ZNF700: variants seen among roughly 807,000 people sequenced by gnomAD.
The protein encoded by ZNF700 is zinc finger protein 700.
ZNF700 carries 38 observed loss-of-function variants against 65.3 expected under a neutral mutation model. The ratio of observed to expected loss-of-function variants is 0.58; its 90% CI spans 0.45 to 0.76. ZNF700 has a LOEUF of 0.76. Among genes scored for constraint, ZNF700 ranks in the 30% least tolerant of loss-of-function variants. ZNF700 has a pLI of 0.00. For synonymous variants in ZNF700, 285 were observed against 290.4 expected (o/e 0.98, Z 0.19); for missense variants, 857 against 888.4 (o/e 0.96, Z 0.45).
chr19:11,933,846 G>GAAA (rs747851420), intron 1 of ZNF700, among the ~76,000 whole-genome samples: 2 of 106,620 alleles, frequency 1.9e-5, no homozygotes, highest in Non-Finnish European at 3.9e-5. Flanking sequence ...CTCCATCTCA[G>GAAA]AAAAAAAAAA....
In ZNF700 at chr19:11,949,081, A is replaced by T; in HGVS notation, c.1057A>T (p.Ile353Leu). ...LSYLISFQTH[I>L]RMNSGERPYK... is the part of the protein sequence containing the mutation. ...CTATCTTATAAGTTTTCAAACACAC[A>T]TAAGAATGAACTCTGGAGAAAGACC... The change falls in exon 4 of 4, where the codon ATA becomes TTA. Residue 353 changes from isoleucine to leucine, a missense_variant. Physicochemically the swap from Ile to Leu is conservative, Grantham distance 5. Transcript: ENST00000254321. 1 of 1,610,886 alleles carries T rather than the reference A, an allele frequency of 6.2e-7. No individual in the cohort carries two copies. Among genetic ancestry groups the T allele is most frequent in the South Asian group, 1.1e-5 (1 of 90,382 alleles).
Position 11,949,635 on chromosome 19 carries a change from A to C in ZNF700, c.1611A>C (p.Glu537Asp), listed in dbSNP as rs923844547. ...EKTHTGEKPY[E>D]CNQCGKAFRC... ...CTCACACTGGAGAGAAACCCTATGA[A>C]TGCAACCAATGTGGTAAAGCCTTCA... The change falls in exon 4 of 4, where the codon GAA becomes GAC. Residue 537 changes from glutamate (E) to aspartate (D), a missense_variant. By Grantham distance (45) the Glu-to-Asp change is conservative (BLOSUM62 2). Around this residue, in one of 3 missense-constraint regions of ZNF700, gnomAD observed 251 missense variants for 250.3 expected, o/e 1.00. Coordinates refer to ENST00000254321, the MANE Select transcript of ZNF700 (RefSeq NM_144566.3). 6 of 1,613,134 alleles carry C rather than the reference A, an allele frequency of 3.7e-6. No homozygotes were observed. Among genetic ancestry groups the C allele is most frequent in the Admixed American group, 1.7e-5 (1 of 59,804 alleles).
chr19:11,950,156 A>G lies in ZNF700; in HGVS notation c.2132A>G (p.Lys711Arg), dbSNP rs142033905. 176 of 1,613,902 alleles carry G rather than the reference A, an allele frequency of 1.1e-4. No individual in the cohort carries two copies. The African/African-American group carries it at 2.1e-3, about 19-fold the overall frequency. The change falls in exon 4 of 4, where the codon AAA (lysine) becomes AGA (arginine). Residue 711 changes from lysine to arginine, a missense_variant. Lys to Arg is a conservative substitution (Grantham distance 26, BLOSUM62 2). Coordinates refer to ENST00000254321, the MANE Select transcript of ZNF700 (RefSeq NM_144566.3). ...CACTATGAATGTAAGGAATGCGGAAAAGCATTCAATTATTTTTCTTCCTTG... is the reference window on the plus strand; with the variant it reads ...CACTATGAATGTAAGGAATGCGGAAGAGCATTCAATTATTTTTCTTCCTTG... ...EKHYECKECG[K>R]AFNYFSSLHI...
chr19:11,934,889 TAC>T (rs1599282459), intron 1 of ZNF700, among the ~76,000 whole-genome samples: 1 of 147,398 alleles, frequency 6.8e-6, no homozygotes, highest in African/African-American at 2.7e-5. Context: ...TTGCCATAAT[TAC>T]AGTCTTTGGT....
chr19:11,925,273 G>A lies in ZNF700; in HGVS notation c.63G>A (p.Met21Ile), dbSNP rs759917883. The A allele has an allele frequency of 3.1e-6, 5 of 1,612,258 alleles. No individual in the cohort carries two copies. The highest frequency in any genetic ancestry group is 4.2e-6 in the Non-Finnish European group (5 of 1,178,872). ...EDPGTSESRE[M>I]DPVAFEDVAV... ...CCGGTACATCTGAAAGCCGGGAAAT[G>A]GTGCGTGTGCGGGACCAGATGTCGT... Residue 21 changes from methionine (M) to isoleucine (I), a missense_variant and splice_region_variant, in exon 1 of 4, where the codon ATG (methionine) becomes ATA (isoleucine). By Grantham distance (10) the Met-to-Ile change is conservative (BLOSUM62 1). Around this residue, in one of 3 missense-constraint regions of ZNF700, gnomAD observed 603 missense variants for 619.9 expected, o/e 0.97. Transcript: ENST00000254321.
rs764046186 is a variant in ZNF700 at position 11,947,163 on chromosome 19, A to G, written c.64-18A>G. 3.8e-5 allele frequency: 61 copies of G among 1,612,176 alleles called. No individual in the cohort carries two copies. The South Asian group carries it at 6.2e-4, about 16-fold the overall frequency. ...GTCACTCTCACCCATCTTCCTCTAC[A>G]CATGTGAGATGTTTCAGGACCCAGT... On this transcript the variant is annotated intron_variant, in intron 1 of 3. Transcript: ENST00000254321.
chr19:11,944,392 G>C (rs954743149), intron 1 of ZNF700, among the ~76,000 whole-genome samples: 15 of 152,076 alleles, frequency 9.9e-5, no homozygotes, highest in Admixed American at 1.3e-4. Context: ...AACTATTTTT[G>C]ATAGTCCAAT....
intron 1 of ZNF700, among the ~76,000 whole-genome samples, chr19:11,941,323 G>A (rs1402090439): frequency 6.6e-6 from 1 of 152,252 alleles, no homozygotes; most frequent in Non-Finnish European, 1.5e-5. Flanking sequence ...GTGGTTGATG[G>A]GACTGGGTGC....
At chr19:11,928,058 C>T (rs1010829494) in intron 1 of ZNF700, among the ~76,000 whole-genome samples, 4 of 151,722 alleles carry the variant, frequency 2.6e-5, no homozygotes, top group Admixed American at 6.6e-5. Context: ...AGCAGTGGTG[C>T]GATGATGGCT....
intron 1 of ZNF700, among the ~76,000 whole-genome samples, chr19:11,933,495 T>A (rs1246252410): frequency 4.7e-5 from 7 of 147,654 alleles, no homozygotes; most frequent in Non-Finnish European, 8.8e-5. Flanking sequence ...GGCCTCAAAA[T>A]CCCCTGTGCT....
chr19:11,937,620 C>G (rs1972817813), intron 1 of ZNF700, among the ~76,000 whole-genome samples: 1 of 151,580 alleles, frequency 6.6e-6, no homozygotes, highest in Non-Finnish European at 1.5e-5. Flanking sequence ...TCCCGAGTAA[C>G]TGAGACTACA....
chr19:11,936,869 G>T (rs375016496), intron 1 of ZNF700, among the ~76,000 whole-genome samples: 1 of 152,180 alleles, frequency 6.6e-6, no homozygotes, highest in Non-Finnish European at 1.5e-5. Context: ...TTTGTGTAAG[G>T]TGTAAGGAAG....
At chr19:11,940,850 TAC>T in intron 1 of ZNF700, among the ~76,000 whole-genome samples, 1 of 152,238 alleles carries the variant, frequency 6.6e-6, no homozygotes, top group South Asian at 2.1e-4. Flanking sequence ...ATTAGCTAGA[TAC>T]AGAGTGTTGA....
intron 1 of ZNF700, 48 bp downstream of exon 1, chr19:11,925,321 G>A (rs1183150631): frequency 3.1e-6 from 5 of 1,602,432 alleles, no homozygotes; most frequent in South Asian, 1.1e-5. Context: ...GGGCTGCCTG[G>A]AACAGGCGGG....
intron 1 of ZNF700, among the ~76,000 whole-genome samples, chr19:11,938,928 T>TCTCATATC (rs1487244307): frequency 1.3e-5 from 2 of 152,190 alleles, no homozygotes; most frequent in Non-Finnish European, 2.9e-5. Flanking sequence ...CTAACTGGTG[T>TCTCATATC]GAGATGGTAT....
intron 1 of ZNF700, among the ~76,000 whole-genome samples, chr19:11,944,916 C>T (rs1972937416): frequency 6.6e-6 from 1 of 152,188 alleles, no homozygotes; most frequent in Admixed American, 6.5e-5. Context: ...ACTGTGGCTC[C>T]CAGCAGCTGT....
rs879231032 is a variant in ZNF700 at position 11,949,547 on chromosome 19, A to T, written c.1523A>T (p.Tyr508Phe). 1.2e-6 allele frequency: 2 copies of T among 1,611,320 alleles called. No homozygotes were observed. The highest frequency in any genetic ancestry group is 1.7e-6 in the Non-Finnish European group (2 of 1,179,486). Residue 508 changes from tyrosine to phenylalanine, a missense_variant, in exon 4 of 4, where the codon TAT (tyrosine) becomes TTT (phenylalanine). Coordinates refer to ENST00000254321, the MANE Select transcript of ZNF700 (RefSeq NM_144566.3). ...HIRMPSGERP[Y>F]KCSICEKGFY... is the part of the protein sequence containing the mutation. ...AGAATGCCCTCTGGAGAAAGACCTTATAAATGTAGTATATGTGAGAAAGGC... is the reference window on the plus strand; with the variant it reads ...AGAATGCCCTCTGGAGAAAGACCTTTTAAATGTAGTATATGTGAGAAAGGC...
intron 1 of ZNF700, among the ~76,000 whole-genome samples, chr19:11,933,291 G>A (rs1972742112): frequency 6.8e-6 from 1 of 147,966 alleles, no homozygotes; most frequent in South Asian, 2.1e-4. Context: ...AAACCATATT[G>A]ACTGTGTGTA....
At chr19:11,948,240 A>T (rs771860208) in intron 3 of ZNF700, 36 bp from the exon 4 acceptor site, 58 of 1,595,326 alleles carry the variant, frequency 3.6e-5, no homozygotes, top group Non-Finnish European at 4.7e-5. Flanking sequence ...GTACTTGTAA[A>T]CAAACCCTTC....
Sources: gnomAD v4.1 joint callset for allele counts (sites outside exome capture counted in the v4.1 genomes callset) on GRCh38, gnomAD v4.1.1 for gene constraint, gnomAD v4.1.1 regional missense constraint, MANE v1.5 for transcripts, NCBI Gene and HGNC (gene_info 2026-07-23, HGNC 2026-07-21) for gene names.